Variants in CFAP54 observed in about 807,000 individuals in gnomAD.
The protein encoded by CFAP54 is cilia- and flagella-associated protein 54.
Under a neutral mutation model 370.4 loss-of-function variants are expected in CFAP54, and 290 were observed. That is an observed-to-expected ratio of 0.78 (90% CI 0.71 to 0.86). The LOEUF (loss-of-function observed/expected upper bound fraction) is 0.86. CFAP54 is among the 40% of genes least tolerant of loss of function. The pLI is 0.00. For synonymous variants in CFAP54, 1,206 were observed against 1,236.5 expected (o/e 0.98, Z 0.52); for missense variants, 3,399 against 3,528.7 (o/e 0.96, Z 0.93).
At chr12:96,848,974 A>G (rs1307153180) in intron 66 of CFAP54, among the ~76,000 whole-genome samples, 1 of 152,190 alleles carries the variant, frequency 6.6e-6, no homozygotes, top group Non-Finnish European at 1.5e-5. Context: ...TTAATCATAT[A>G]AAGTACAGTG....
intron 66 of CFAP54, among the ~76,000 whole-genome samples, chr12:96,831,257 G>A (rs11108714): frequency 0.019 from 2,953 of 152,244 alleles, 47 homozygotes; most frequent in East Asian, 0.064. Flanking sequence ...TATTTTTGTG[G>A]CAGGAAATAG....
At chr12:96,784,995 G>C in intron 61 of CFAP54, 105 bp downstream of exon 61, 1 of 927,754 alleles carries the variant, frequency 1.1e-6, no homozygotes, top group East Asian at 3.0e-5. Context: ...CTTTCTGAGT[G>C]ACTGTCATCA....
chr12:96,855,026 C>G (rs1275338537), intron 66 of CFAP54, among the ~76,000 whole-genome samples: 1 of 152,106 alleles, frequency 6.6e-6, no homozygotes, highest in Non-Finnish European at 1.5e-5. Context: ...GATTTACAAT[C>G]ATGGCAGAAG....
At chr12:96,637,782 G>C (rs767424353) in intron 32 of CFAP54, among the ~76,000 whole-genome samples, 1 of 152,138 alleles carries the variant, frequency 6.6e-6, no homozygotes, top group Non-Finnish European at 1.5e-5. Context: ...TTACATTCAC[G>C]TGTTGCATAA....
At chr12:96,602,274 G>A (rs1352046316) in intron 26 of CFAP54, among the ~76,000 whole-genome samples, 2 of 152,196 alleles carry the variant, frequency 1.3e-5, no homozygotes, top group Admixed American at 1.3e-4. Context: ...TTTTGAGTGA[G>A]TTTCTTAATC....
chr12:96,543,355 T>C (rs1955598589), intron 14 of CFAP54, among the ~76,000 whole-genome samples: 1 of 152,198 alleles, frequency 6.6e-6, no homozygotes, highest in South Asian at 2.1e-4. Context: ...AGGCTGCTGT[T>C]GTGAGTTCAG....
chr12:96,681,586 G>A (rs1220700969), intron 40 of CFAP54, among the ~76,000 whole-genome samples: 1 of 150,418 alleles, frequency 6.6e-6, no homozygotes, highest in African/African-American at 2.4e-5. Flanking sequence ...TTTTTTTTTG[G>A]ATGGAGTCTT....
chr12:96,688,821 C>G, intron 42 of CFAP54, 95 bp from the exon 43 acceptor site: 1 of 586,646 alleles, frequency 1.7e-6, no homozygotes, highest in Non-Finnish European at 2.9e-6. Flanking sequence ...TTTTCTTATA[C>G]TTTTTGTGTT....
intron 67 of CFAP54, among the ~76,000 whole-genome samples, chr12:96,871,556 GA>G (rs541178726): frequency 6.6e-6 from 1 of 151,878 alleles, no homozygotes; most frequent in Admixed American, 6.6e-5. Flanking sequence ...CACAATCTAG[GA>G]AAAAAACAGT....
Position 96,811,861 on chromosome 12 carries a change from A to G in CFAP54, c.8957+19A>G. ...TGAATAGGCAAGTAAAAATTCCACA[A>G]CTCGAATTGTCTTTGTTGTTATCTC... is the stretch of plus-strand genomic sequence containing the variant. On this transcript the variant is annotated intron_variant, in intron 64 of 67. Coordinates refer to ENST00000524981, the MANE Select transcript of CFAP54 (RefSeq NM_001306084.2). The G allele has an allele frequency of 1.5e-6, 2 of 1,350,136 alleles. No homozygotes were observed. Among genetic ancestry groups the G allele is most frequent in the Non-Finnish European group, 2.0e-6 (2 of 1,003,240 alleles). 83.6% of individuals were successfully genotyped at this position (1,350,136 alleles called of 1,614,324 possible).
At chr12:96,492,331 C>G (rs1954893719) in intron 1 of CFAP54, among the ~76,000 whole-genome samples, 1 of 152,106 alleles carries the variant, frequency 6.6e-6, no homozygotes, top group Admixed American at 6.6e-5. Flanking sequence ...TCAGCTCATC[C>G]CTCACTTCTC....
chr12:96,805,127 T>A (rs747484312), intron 63 of CFAP54, among the ~76,000 whole-genome samples: 4 of 151,890 alleles, frequency 2.6e-5, no homozygotes, highest in Non-Finnish European at 5.9e-5. Context: ...GACCTGAAAT[T>A]ATTAAAAAAA....
intron 39 of CFAP54, among the ~76,000 whole-genome samples, chr12:96,670,549 A>G (rs1957132598): frequency 6.6e-6 from 1 of 152,218 alleles, no homozygotes; most frequent in African/African-American, 2.4e-5. Context: ...GTATGTTCCT[A>G]TGCTGTACTC....
intron 6 of CFAP54, 79 bp from the exon 7 acceptor site, chr12:96,521,778 G>C (rs1307341264): frequency 9.4e-7 from 1 of 1,068,248 alleles, no homozygotes; most frequent in African/African-American, 1.6e-5. Context: ...CAAATGCCTG[G>C]GAGAACAAAA....
At chr12:96,539,399 C>T (rs1213049835) in intron 13 of CFAP54, among the ~76,000 whole-genome samples, 1 of 151,986 alleles carries the variant, frequency 6.6e-6, no homozygotes, top group East Asian at 1.9e-4. Flanking sequence ...ATGGGCCAGG[C>T]ACAGGGGCTG....
At chr12:96,615,555 T>C (rs1414554461) in intron 26 of CFAP54, among the ~76,000 whole-genome samples, 2 of 152,128 alleles carry the variant, frequency 1.3e-5, no homozygotes, top group African/African-American at 4.8e-5. Flanking sequence ...CAAAAGAAAC[T>C]ACCATCAGAG....
At chr12:96,775,226 G>A (rs759972099) in intron 60 of CFAP54, among the ~76,000 whole-genome samples, 3 of 152,082 alleles carry the variant, frequency 2.0e-5, no homozygotes, top group Admixed American at 6.5e-5. Flanking sequence ...TCAGGAGTTC[G>A]AGATCAGCCT....
intron 20 of CFAP54, 94 bp from the exon 21 acceptor site, chr12:96,580,503 C>T: frequency 1.6e-6 from 1 of 636,832 alleles, no homozygotes; most frequent in Non-Finnish European, 2.4e-6. Flanking sequence ...GTTTTAAAAC[C>T]TGAATCATTA....
At chr12:96,847,939 G>A (rs1959404823) in intron 66 of CFAP54, among the ~76,000 whole-genome samples, 1 of 152,204 alleles carries the variant, frequency 6.6e-6, no homozygotes, top group Non-Finnish European at 1.5e-5. Flanking sequence ...GGTGATTCAA[G>A]AATAATCTAT....
Sources: allele counts gnomAD v4.1 joint callset (sites outside exome capture counted in the v4.1 genomes callset), GRCh38; gene constraint gnomAD v4.1.1; transcripts MANE v1.5; gene names NCBI Gene and HGNC (gene_info 2026-07-23, HGNC 2026-07-21).